The following FMR1 variants were observed in gnomAD, a reference collection of about 807,000 sequenced individuals.
The protein encoded by FMR1 is fragile X messenger ribonucleoprotein 1.
Under a neutral mutation model 50.6 loss-of-function variants are expected in FMR1, and 13 were observed. The observed-to-expected ratio is 0.26, with a 90% CI of 0.17 to 0.41. FMR1 has a LOEUF of 0.41. Among genes scored for constraint, FMR1 ranks in the 10% least tolerant of loss-of-function variants. FMR1 has a pLI of 1.00. For missense variants in FMR1, 316 were observed against 491.3 expected, an observed-to-expected ratio of 0.64 and a Z score of 3.37; for synonymous variants, 138 against 164.1, an observed-to-expected ratio of 0.84 and a Z score of 1.22.
chrX:147,928,697 C>T lies in FMR1; in HGVS notation c.309C>T (p.Tyr103=), dbSNP rs148872586. The change falls in exon 5 of 17, where the codon TAC becomes TAT. Residue 103 remains tyrosine, a synonymous_variant. Coordinates refer to ENST00000370475, the MANE Select transcript of FMR1 (RefSeq NM_002024.6). ...AATATGCAGCATGTGATGCAACTTA[C>T]AATGAAATTGTCACAATTGAACGTC... ...VIEYAACDAT[Y]NEIVTIERLR... 298 of 1,203,784 alleles carry T rather than the reference C, an allele frequency of 2.5e-4. No homozygotes were observed. The highest frequency in any genetic ancestry group is 3.1e-4 in the Non-Finnish European group (280 of 890,118).
chrX:147,924,181 G>A (rs1318406688), intron 2 of FMR1, among the ~76,000 whole-genome samples: 7 of 110,792 alleles, frequency 6.3e-5, no homozygotes, highest in Non-Finnish European at 1.3e-4. Context: ...CATCTATTAG[G>A]TGTGTATAAT....
intron 11 of FMR1, among the ~76,000 whole-genome samples, chrX:147,937,804 A>G (rs782753583): frequency 8.9e-6 from 1 of 112,308 alleles, no homozygotes; most frequent in South Asian, 3.7e-4. Flanking sequence ...CTCTTATGCC[A>G]TAAACACAAA....
intron 3 of FMR1, chrX:147,927,544 T>C (rs1557177780): frequency 8.9e-6 from 1 of 111,834 alleles, no homozygotes; most frequent in Non-Finnish European, 1.9e-5. Context: ...TTGTCTTTCT[T>C]ATTTCTCTTT....
chrX:147,912,498 C>T (rs1430898385), intron 1 of FMR1, among the ~76,000 whole-genome samples: 4 of 112,258 alleles, frequency 3.6e-5, no homozygotes, highest in Non-Finnish European at 3.8e-5. Flanking sequence ...CCGGGGTGAG[C>T]TGGGGATGGG....
chrX:147,920,497 T>C (rs1204140477), intron 1 of FMR1, among the ~76,000 whole-genome samples: 4 of 111,389 alleles, frequency 3.6e-5, no homozygotes, highest in African/African-American at 1.3e-4. Context: ...CTTTGTCTTA[T>C]CAACCTACCA....
At chrX:147,939,013 C>T (rs891650331) in intron 12 of FMR1, among the ~76,000 whole-genome samples, 1 of 111,848 alleles carries the variant, frequency 8.9e-6, no homozygotes, top group Non-Finnish European at 1.9e-5. Context: ...TAATTTGCTC[C>T]GAAGTCAATC....
At chrX:147,924,364 T>C (rs1557177074) in intron 2 of FMR1, among the ~76,000 whole-genome samples, 2 of 110,571 alleles carry the variant, frequency 1.8e-5, no homozygotes, top group Non-Finnish European at 3.8e-5. Context: ...ATACAACATA[T>C]CTCAGTATCT....
intron 1 of FMR1, among the ~76,000 whole-genome samples, chrX:147,921,220 T>C (rs1290135482): frequency 1.8e-5 from 2 of 110,553 alleles, no homozygotes; most frequent in East Asian, 5.7e-4. Context: ...AAGGTTAATT[T>C]TATAAAGTTA....
chrX:147,949,858 G>A lies in FMR1; in HGVS notation c.*1014G>A, dbSNP rs1557183135. The A allele has an allele frequency of 3.1e-6, 1 of 327,439 alleles. No homozygotes were observed. Among genetic ancestry groups the A allele is most frequent in the Non-Finnish European group, 5.9e-6 (1 of 169,504 alleles). 27.0% of individuals were successfully genotyped at this position (327,439 alleles called of 1,213,427 possible). ...ATTTTAATTTCAAGCTTATTTTGGA[G>A]AGATAGGAAGGTCATTTCCATGTAT... is the stretch of plus-strand genomic sequence containing the variant. On this transcript the variant is annotated 3_prime_UTR_variant, in exon 17 of 17. Coordinates refer to ENST00000370475, the MANE Select transcript of FMR1 (RefSeq NM_002024.6).
chrX:147,930,861 G>A (rs1248073711), intron 7 of FMR1: 1 of 111,721 alleles, frequency 9.0e-6, no homozygotes, highest in Middle Eastern at 4.2e-3. Context: ...CTATATTCCT[G>A]TCAAATTCCA....
intron 1 of FMR1, among the ~76,000 whole-genome samples, chrX:147,916,562 TTTTC>T (rs2042873681): frequency 1.8e-5 from 2 of 111,125 alleles, no homozygotes; most frequent in African/African-American, 3.3e-5. Context: ...TCTTTTTTGG[TTTTC>T]TTTCTTCCTT....
At chrX:147,939,412 T>G (rs913322843) in intron 12 of FMR1, among the ~76,000 whole-genome samples, 2 of 111,773 alleles carry the variant, frequency 1.8e-5, no homozygotes, top group African/African-American at 6.5e-5. Context: ...GAGTACATTA[T>G]TGAAATGTGT....
chrX:147,924,515 A>AT (rs35196632), intron 2 of FMR1, among the ~76,000 whole-genome samples: 35,791 of 88,056 alleles, frequency 0.41, 7,040 homozygotes, highest in Non-Finnish European at 0.52. Context: ...ATATATATAT[A>AT]TTTTTTTTTT....
chrX:147,912,502 G>A, intron 1 of FMR1, among the ~76,000 whole-genome samples: 1 of 112,675 alleles, frequency 8.9e-6, no homozygotes, highest in Non-Finnish European at 1.9e-5. Flanking sequence ...GGTGAGCTGG[G>A]GATGGGCGAG....
intron 1 of FMR1, among the ~76,000 whole-genome samples, chrX:147,919,683 C>T (rs2043061170): frequency 8.9e-6 from 1 of 112,013 alleles, no homozygotes; most frequent in Non-Finnish European, 1.9e-5. Flanking sequence ...TATAGTCCAC[C>T]TTGATCTTAC....
At chrX:147,919,435 T>C (rs1557176012) in intron 1 of FMR1, among the ~76,000 whole-genome samples, 1 of 112,192 alleles carries the variant, frequency 8.9e-6, no homozygotes, top group East Asian at 2.8e-4. Context: ...TGCACCCTTA[T>C]GAAATCTAAT....
rs558474501 is a variant in FMR1, at chrX:147,920,257, A to G, written c.52-1676A>G. Among the ~76,000 whole-genome samples the G allele has an allele frequency of 6.3e-5, 7 of 111,520 alleles. No homozygotes were observed. In the Admixed American group the frequency reaches 6.7e-4, roughly 11 times the overall value. ...GTGGGTGTCCACTTGTCCCAGCTTC[A>G]TTTTTTGAAAACACTATACTTTCCC... is the stretch of plus-strand genomic sequence containing the variant. On this transcript the variant is annotated intron_variant, in intron 1 of 16. Transcript: ENST00000370475.
In FMR1 at chrX:147,950,695, G is replaced by T. The variant is rs1557183515; in HGVS notation, c.*1851G>T. On this transcript the variant is annotated 3_prime_UTR_variant, in exon 17 of 17. Coordinates refer to ENST00000370475, the MANE Select transcript of FMR1 (RefSeq NM_002024.6). Reference sequence around the variant, plus strand: ...CTTTTAAAATTTTAAGCTAGGAAAAGAAATCTATAGAAAGTGTTCTGTTAC... The same window carrying T: ...CTTTTAAAATTTTAAGCTAGGAAAATAAATCTATAGAAAGTGTTCTGTTAC... 1 of 326,597 alleles carries T rather than the reference G, an allele frequency of 3.1e-6. No homozygotes were observed. Among genetic ancestry groups the T allele is most frequent in the Admixed American group, 3.1e-5 (1 of 31,776 alleles). The allele number at this position is 326,597 out of a possible 1,213,427, so 26.9% of individuals were successfully genotyped here. A position where few individuals can be genotyped will look rare whatever the true frequency, so the allele number is the denominator to read the frequency against.
At chrX:147,931,177 C>G (rs1468851468) in intron 7 of FMR1, among the ~76,000 whole-genome samples, 1 of 111,769 alleles carries the variant, frequency 8.9e-6, no homozygotes, top group Non-Finnish European at 1.9e-5. Flanking sequence ...TTCAGTGATT[C>G]TCTCATAACT....
Sources: gnomAD v4.1 joint callset for allele counts (sites outside exome capture counted in the v4.1 genomes callset) on GRCh38, gnomAD v4.1.1 for gene constraint, MANE v1.5 for transcripts, NCBI Gene and HGNC (gene_info 2026-07-23, HGNC 2026-07-21) for gene names.